The following OR1L8 variants were observed in gnomAD, a reference collection of about 807,000 sequenced individuals.
The protein encoded by OR1L8 is olfactory receptor 1L8.
For missense variants in OR1L8, 330 were observed against 377.4 expected (o/e 0.87, Z 1.04); for synonymous variants, 148 against 147.0 (o/e 1.01, Z -0.05).
the OR1L8 span, among the ~76,000 whole-genome samples, chr9:122,555,635 C>A: frequency 6.6e-6 from 1 of 152,156 alleles, no homozygotes; most frequent in African/African-American, 2.4e-5. Context: ...GGAATTGGCT[C>A]ATGCAGTTGT....
chr9:122,555,508 T>C, the OR1L8 span, among the ~76,000 whole-genome samples: 1 of 152,190 alleles, frequency 6.6e-6, no homozygotes, highest in Non-Finnish European at 1.5e-5. Flanking sequence ...TTGTGAATAA[T>C]ATCTCTCCTC....
intron 4 of OR1L8, among the ~76,000 whole-genome samples, chr9:122,568,916 C>G (rs909195215): frequency 6.6e-6 from 1 of 151,922 alleles, no homozygotes; most frequent in Non-Finnish European, 1.5e-5. Context: ...ATTTTATGAA[C>G]AAAATAAAAT....
downstream of OR1L8, among the ~76,000 whole-genome samples, chr9:122,565,394 T>C (rs1588212827): frequency 6.6e-6 from 1 of 152,184 alleles, no homozygotes; most frequent in Non-Finnish European, 1.5e-5. Context: ...AGTGAGTCTC[T>C]TTCCCCAGCC....
At chr9:122,548,803 T>TTTGTTGTTG in the OR1L8 span, among the ~76,000 whole-genome samples, 92 of 140,296 alleles carry the variant, frequency 6.6e-4, no homozygotes, top group African/African-American at 1.1e-3. Context: ...TCCTGTGTGT[T>TTTGTTGTTG]TTGTTGTTGT....
chr9:122,571,695 A>G (rs977938803), intron 4 of OR1L8, among the ~76,000 whole-genome samples: 7 of 150,284 alleles, frequency 4.7e-5, no homozygotes, highest in African/African-American at 1.7e-4. Context: ...CAGCCTGGCG[A>G]CAGAGCGAGA....
At chr9:122,547,413 GT>G in the OR1L8 span, among the ~76,000 whole-genome samples, 1 of 152,098 alleles carries the variant, frequency 6.6e-6, no homozygotes. Flanking sequence ...GAGGATACAA[GT>G]GCAGTTTTGT....
the OR1L8 span, among the ~76,000 whole-genome samples, chr9:122,558,919 CTTAA>C: frequency 6.6e-6 from 1 of 151,264 alleles, no homozygotes; most frequent in Admixed American, 6.6e-5. Flanking sequence ...TTATTTTATC[CTTAA>C]TTGACACAAT....
At position 122,568,548 on chromosome 9, in the gene OR1L8, A is replaced by G; in HGVS notation, c.-71T>C. ...CTCTGATTTCATAACACCAATCATG[A>G]GAACCTAGCAAGTCTTTGTTTCTTC... is the stretch of plus-strand genomic sequence containing the variant. On this transcript the variant is annotated 5_prime_UTR_variant, in exon 5 of 5. Transcript: ENST00000641027. The G allele has an allele frequency of 1.1e-6, 1 of 879,970 alleles. No individual in the cohort carries two copies. Among genetic ancestry groups the G allele is most frequent in the Non-Finnish European group, 1.8e-6 (1 of 565,654 alleles). The allele number at this position is 879,970 out of a possible 1,614,324, so 54.5% of individuals were successfully genotyped here.
rs1588213995 is a variant in OR1L8 at position 122,567,788 on chromosome 9, G to A, written c.690C>T (p.Pro230=). The change falls in exon 5 of 5, where the codon CCC becomes CCT. Residue 230 remains proline (P), a synonymous_variant. Transcript: ENST00000641027. ...AGGCTTTGCGTTTCCCAGAAGTAGA[G>A]GGAATCTTGAGAACTGTAGTGAGGA... ...IRILTTVLKI[P]STSGKRKAFS... is the part of the protein sequence containing the mutation. 2 of 1,614,056 alleles carry A rather than the reference G, an allele frequency of 1.2e-6. No homozygotes were observed. The highest frequency in any genetic ancestry group is 1.1e-5 in the South Asian group (1 of 91,064).
At chr9:122,560,616 G>C in the OR1L8 span, among the ~76,000 whole-genome samples, 1 of 152,064 alleles carries the variant, frequency 6.6e-6, no homozygotes. Flanking sequence ...GAAATTCTGC[G>C]TTGAAAATTC....
the OR1L8 span, among the ~76,000 whole-genome samples, chr9:122,552,030 G>GAC: frequency 1.0e-3 from 130 of 124,234 alleles, no homozygotes; most frequent in African/African-American, 4.0e-3. Flanking sequence ...GAAGGGGTAG[G>GAC]ACACATACAC....
At chr9:122,552,073 T>TCACA in the OR1L8 span, among the ~76,000 whole-genome samples, 1 of 142,396 alleles carries the variant, frequency 7.0e-6, no homozygotes, top group Non-Finnish European at 1.5e-5. Flanking sequence ...TCTCTCTCTC[T>TCACA]CTCTCTCACA....
chr9:122,573,718 CTT>C (rs1347346635), intron 3 of OR1L8, among the ~76,000 whole-genome samples: 4 of 152,120 alleles, frequency 2.6e-5, no homozygotes, highest in Non-Finnish European at 5.9e-5. Context: ...TTGACAGTGA[CTT>C]TTGCAGAACA....
downstream of OR1L8, among the ~76,000 whole-genome samples, chr9:122,565,198 G>A (rs887373560): frequency 6.6e-6 from 1 of 152,172 alleles, no homozygotes; most frequent in African/African-American, 2.4e-5. Context: ...TGGGTGATCA[G>A]GGATTTGGAA....
rs55979207 is a variant in OR1L8 at position 122,575,128 on chromosome 9, T to C, written c.-342+1638A>G. Among the ~76,000 whole-genome samples, 1,021 of 152,244 alleles carry C rather than the reference T, an allele frequency of 6.7e-3. 13 individuals carry two copies. The highest frequency in any genetic ancestry group is 0.024 in the African/African-American group (980 of 41,586). On this transcript the variant is annotated intron_variant, in intron 3 of 4. Transcript: ENST00000641027. The stretch of plus-strand genomic sequence containing the variant: ...CATTTTGTTTAGAGTTATGCATGTA[T>C]GTTTATGAGAGATACAGGTTTATAG...
At chr9:122,575,312 T>C (rs1382928773) in intron 3 of OR1L8, among the ~76,000 whole-genome samples, 6 of 152,138 alleles carry the variant, frequency 3.9e-5, no homozygotes, top group Non-Finnish European at 8.8e-5. Flanking sequence ...TGAACCCATC[T>C]GGGCCTAGTG....
rs143128572 is a variant in OR1L8, at chr9:122,570,526, C to T, written c.-212-1837G>A. 4.0e-3 allele frequency among the ~76,000 whole-genome samples: 605 copies of T among 152,178 alleles called. 4 individuals are homozygous for T. Among genetic ancestry groups the T allele is most frequent in the African/African-American group, 0.014 (589 of 41,510 alleles). ...ATCTCAGGTTTTTCATGTATAAAAT[C>T]GAACACAAATATCCACATTGTCATG... On this transcript the variant is annotated intron_variant, in intron 4 of 4. Coordinates refer to ENST00000641027, the MANE Select transcript of OR1L8 (RefSeq NM_001004454.2).
At chr9:122,549,740 A>T in the OR1L8 span, among the ~76,000 whole-genome samples, 24 of 152,216 alleles carry the variant, frequency 1.6e-4, 1 homozygote, top group South Asian at 3.7e-3. Context: ...TTATACTAGT[A>T]CCATGTTGTT....
downstream of OR1L8, among the ~76,000 whole-genome samples, chr9:122,566,346 C>T (rs1362365033): frequency 2.6e-5 from 4 of 152,150 alleles, no homozygotes; most frequent in Non-Finnish European, 4.4e-5. Context: ...GACATTACAA[C>T]TGTGTATAAA....
Sources: gnomAD v4.1 joint callset for allele counts (sites outside exome capture counted in the v4.1 genomes callset) on GRCh38, gnomAD v4.1.1 for gene constraint, MANE v1.5 for transcripts, NCBI Gene and HGNC (gene_info 2026-07-23, HGNC 2026-07-21) for gene names.